Variants in UBXN11 observed in about 807,000 individuals in gnomAD.
UBXN11 encodes the protein UBX domain protein 11.
In UBXN11, 47 loss-of-function variants were observed where a neutral mutation model predicts 62.8. The observed-to-expected ratio is 0.75, with a 90% confidence interval of 0.59 to 0.95. UBXN11 has a LOEUF of 0.95. Among genes scored for constraint, UBXN11 ranks in the 40% least tolerant of loss-of-function variants. The pLI is 0.00. For missense variants in UBXN11, 638 were observed against 661.7 expected (o/e 0.96, Z 0.39); for synonymous variants, 294 against 267.0 (o/e 1.10, Z -0.99).
At chr1:26,293,724 CAAA>C (rs1163207554) in intron 8 of UBXN11, among the ~76,000 whole-genome samples, 1 of 26,942 alleles carries the variant, frequency 3.7e-5, no homozygotes, top group South Asian at 3.0e-3. Context: ...GACTCCGTCT[CAAA>C]AAAAAAAAAA....
chr1:26,299,508 C>G (rs1350183561), intron 4 of UBXN11, among the ~76,000 whole-genome samples: 1 of 100,700 alleles, frequency 9.9e-6, no homozygotes, highest in African/African-American at 3.5e-5. Context: ...GCAAGGCAGT[C>G]TCCAAAAAAA....
chr1:26,314,088 AC>A (rs2073768957), intron 1 of UBXN11, among the ~76,000 whole-genome samples: 1 of 152,114 alleles, frequency 6.6e-6, no homozygotes, highest in Non-Finnish European at 1.5e-5. Context: ...CCGGTTCTTT[AC>A]TATAATTTCT....
intron 1 of UBXN11, among the ~76,000 whole-genome samples, chr1:26,317,719 G>C (rs1429025109): frequency 6.6e-6 from 1 of 152,108 alleles, no homozygotes; most frequent in Non-Finnish European, 1.5e-5. Context: ...ATGATTCCAG[G>C]CCTTGGGCCC....
chr1:26,291,762 A>AG (rs990328558), intron 8 of UBXN11, among the ~76,000 whole-genome samples: 1 of 152,194 alleles, frequency 6.6e-6, no homozygotes, highest in Admixed American at 6.5e-5. Flanking sequence ...CACTCATGCC[A>AG]GGGGTCCCTT....
chr1:26,303,063 T>G, intron 1 of UBXN11, 145 bp from the exon 2 acceptor site: 2 of 553,456 alleles, frequency 3.6e-6, no homozygotes, highest in East Asian at 2.8e-5. Flanking sequence ...TTCCACTGTC[T>G]CCACAGAGGT....
intron 1 of UBXN11, among the ~76,000 whole-genome samples, chr1:26,313,957 T>C (rs1272198826): frequency 6.6e-6 from 1 of 151,980 alleles, no homozygotes; most frequent in Non-Finnish European, 1.5e-5. Flanking sequence ...AGTTTTTGTA[T>C]TTTTAGTAGA....
Position 26,302,858 on chromosome 1 carries a change from C to A in UBXN11, c.26G>T (p.Ser9Ile), listed in dbSNP as rs1570130590. MSSPLASL[S>I]KTRKVPLPSE... ...GGGCAGGGGCACTTTTCGGGTCTTGCTAAGGGAGGCCAAAGGTGAGCTCAT... is the reference window on the plus strand; with the variant it reads ...GGGCAGGGGCACTTTTCGGGTCTTGATAAGGGAGGCCAAAGGTGAGCTCAT... Residue 9 changes from serine to isoleucine, a missense_variant, in exon 2 of 15, where the codon AGC becomes ATC. Ser to Ile is a moderately radical substitution (Grantham distance 142). Coordinates refer to ENST00000374222, the MANE Select transcript of UBXN11 (RefSeq NM_001389556.1). 1 of 1,613,920 alleles carries A rather than the reference C, an allele frequency of 6.2e-7. No homozygotes were observed. The highest frequency in any genetic ancestry group is 2.2e-5 in the East Asian group (1 of 44,884).
intron 2 of UBXN11, 131 bp downstream of exon 2, chr1:26,302,682 G>A: frequency 1.0e-6 from 1 of 979,524 alleles, no homozygotes; most frequent in Non-Finnish European, 1.5e-6. Flanking sequence ...GAAAAAGACA[G>A]TGGTCAGGGA....
At chr1:26,288,379 TAA>T (rs1195367250) in intron 8 of UBXN11, among the ~76,000 whole-genome samples, 6 of 151,860 alleles carry the variant, frequency 4.0e-5, no homozygotes, top group Non-Finnish European at 4.4e-5. Flanking sequence ...CTTAAAGAAG[TAA>T]AAGCAGGTGG....
At chr1:26,317,114 A>G (rs1023115486) in intron 1 of UBXN11, among the ~76,000 whole-genome samples, 1 of 151,144 alleles carries the variant, frequency 6.6e-6, no homozygotes, top group Non-Finnish European at 1.5e-5. Context: ...GGTGGCACAC[A>G]CCTGTAGTCC....
In UBXN11 at chr1:26,282,675, G is replaced by A. The variant is rs568645771; in HGVS notation, c.1266C>T (p.Asp422=). The A allele has an allele frequency of 5.4e-5, 87 of 1,614,138 alleles. 2 individuals carry two copies. In the South Asian group the frequency reaches 8.5e-4, roughly 16 times the overall value. Reference sequence around the variant, plus strand: ...TGGCCTGCGCTAGCAGAGCTCGCACGTCCCCAATGGTGTTGTCAGGCTGCA... The same window carrying A: ...TGGCCTGCGCTAGCAGAGCTCGCACATCCCCAATGGTGTTGTCAGGCTGCA... ...LMMQPDNTIG[D]VRALLAQARV... The change falls in exon 14 of 15, where the codon GAC becomes GAT. Residue 422 remains aspartate (D), a synonymous_variant. Coordinates refer to ENST00000374222, the MANE Select transcript of UBXN11 (RefSeq NM_001389556.1).
In UBXN11 at chr1:26,282,380, ACT is replaced by A. The variant is rs757676742; in HGVS notation, c.1480_1481del (p.Pro495ArgfsTer?). ...GACTGGGGCCGGGACCGGGACCGGG[ACT>A]GGGGCCGGGACCGGGACCGGGACAG... ...GPCPGPGPGP[S>X]PGPGPGPSPG... On this transcript the variant is annotated frameshift_variant, in exon 15 of 15. Coordinates refer to ENST00000374222, the MANE Select transcript of UBXN11 (RefSeq NM_001389556.1). LOFTEE classifies it low-confidence loss of function (END_TRUNC). 3.9e-3 allele frequency: 2,120 copies of A among 544,850 alleles called. 70 individuals carry two copies. The African/African-American group carries it at 0.054, about 14-fold the overall frequency. The allele number at this position is 544,850 out of a possible 1,614,324, so 33.8% of individuals were successfully genotyped here. A position where few individuals can be genotyped will look rare whatever the true frequency, so the allele number is the denominator to read the frequency against.
intron 7 of UBXN11, among the ~76,000 whole-genome samples, 191 bp from the exon 8 acceptor site, chr1:26,294,522 G>A (rs560793233): frequency 6.6e-6 from 1 of 152,320 alleles, no homozygotes; most frequent in South Asian, 2.1e-4. Context: ...AGTCCCTAGA[G>A]CCTCAGACGA....
chr1:26,297,457 C>A lies in UBXN11; in HGVS notation c.325G>T (p.Asp109Tyr). Residue 109 changes from aspartate to tyrosine, a missense_variant, in exon 6 of 15, where the codon GAC becomes TAC. Transcript: ENST00000374222. Reference sequence around the variant, plus strand: ...TGTGGCCGGAGGGTCTGCACCAGGTCCTCTAGGGCCGCTATCTTCTGATCC... The same window carrying A: ...TGTGGCCGGAGGGTCTGCACCAGGTACTCTAGGGCCGCTATCTTCTGATCC... Reference protein sequence around the residue: ...SKDQKIAALEDLVQTLRPHPA... With the variant: ...SKDQKIAALEYLVQTLRPHPA... 6.4e-7 allele frequency: 1 copy of A among 1,556,244 alleles called. No homozygotes were observed. Among genetic ancestry groups the A allele is most frequent in the East Asian group, 2.4e-5 (1 of 41,270 alleles).
intron 10 of UBXN11, 104 bp from the exon 11 acceptor site, chr1:26,284,586 T>A: frequency 6.9e-7 from 1 of 1,441,294 alleles, no homozygotes; most frequent in Non-Finnish European, 9.1e-7. Flanking sequence ...TATGGTCTAA[T>A]GCAACCCCCA....
chr1:26,314,790 C>T (rs908125117), intron 1 of UBXN11, among the ~76,000 whole-genome samples: 10 of 152,142 alleles, frequency 6.6e-5, no homozygotes, highest in African/African-American at 2.4e-4. Context: ...AAGGGCCCTT[C>T]GAACATTTAG....
rs55777309 is a variant in UBXN11 at position 26,312,979 on chromosome 1, C to CAAAAAAAAAAAAAAAA, written c.-149+5052_-149+5067dup. On this transcript the variant is annotated intron_variant, in intron 1 of 14. Transcript: ENST00000374217. ...GGGCAACAAGAGCAAAACTCTGTCT[C>CAAAAAAAAAAAAAAAA]AAAAAAAAAAAAAAAAAAAAAAAAA... 6.2e-5 allele frequency among the ~76,000 whole-genome samples: 3 copies of CAAAAAAAAAAAAAAAA among 48,152 alleles called. 1 individual carries two copies. The highest frequency in any genetic ancestry group is 2.8e-4 in the African/African-American group (3 of 10,898). 31.6% of individuals were successfully genotyped at this position (48,152 alleles called of 152,430 possible).
intron 8 of UBXN11, among the ~76,000 whole-genome samples, chr1:26,289,927 C>T (rs1440128490): frequency 2.0e-5 from 3 of 152,242 alleles, no homozygotes; most frequent in Non-Finnish European, 4.4e-5. Context: ...GGGGACTTTA[C>T]TGCAGTCACT....
chr1:26,311,947 C>T (rs1249137950), intron 1 of UBXN11, among the ~76,000 whole-genome samples: 1 of 152,228 alleles, frequency 6.6e-6, no homozygotes, highest in Non-Finnish European at 1.5e-5. Flanking sequence ...CCCTTCTCCA[C>T]CCACATCACC....
Sources: gnomAD v4.1 joint callset for allele counts (sites outside exome capture counted in the v4.1 genomes callset) on GRCh38, gnomAD v4.1.1 for gene constraint, MANE v1.5 for transcripts, NCBI Gene and HGNC (gene_info 2026-07-23, HGNC 2026-07-21) for gene names.